KAZN: variants seen among roughly 807,000 people sequenced by gnomAD.
KAZN encodes the protein kazrin.
Under a neutral mutation model 87.4 loss-of-function variants are expected in KAZN, and 40 were observed. The observed-to-expected ratio is 0.46, with a 90% confidence interval of 0.36 to 0.60. KAZN has a LOEUF of 0.60. Among genes scored for constraint, KAZN ranks in the 20% least tolerant of loss-of-function variants. The pLI, the probability that KAZN is intolerant of heterozygous loss-of-function variation, is 0.00. For synonymous variants in KAZN, 466 were observed against 458.3 expected, an observed-to-expected ratio of 1.02 and a Z score of -0.22; for missense variants, 898 against 1,073.9, an observed-to-expected ratio of 0.84 and a Z score of 2.29.
chr1:14,195,613 G>GA (rs1256570314), intron 2 of KAZN, among the ~76,000 whole-genome samples: 2 of 151,628 alleles, frequency 1.3e-5, no homozygotes, highest in African/African-American at 4.8e-5. Context: ...CAATAAACTG[G>GA]AAAACTTACA....
In KAZN at chr1:15,107,796, A is replaced by G. The variant is rs752857154; in HGVS notation, c.2048+3607A>G. ...GCATCACTGCTTTCTTGCTGTGTTG[A>G]ACATGAGCTAGTGGTTTTAGGTTTT... On this transcript the variant is annotated intron_variant, in intron 13 of 14. Coordinates refer to ENST00000376030, the MANE Select transcript of KAZN (RefSeq NM_201628.3). Among the ~76,000 whole-genome samples the G allele has an allele frequency of 2.6e-5, 4 of 152,188 alleles. No individual in the cohort carries two copies. The East Asian group carries it at 7.7e-4, about 29-fold the overall frequency.
chr1:14,834,197 G>A (rs1647145867), intron 1 of KAZN, among the ~76,000 whole-genome samples: 1 of 151,548 alleles, frequency 6.6e-6, no homozygotes, highest in South Asian at 2.1e-4. Flanking sequence ...CACCACGCCT[G>A]GCTAATTTTT....
rs539792901 is a variant in KAZN at position 14,418,642 on chromosome 1, A to AGG, written c.250-180340_250-180339dup. ...TAGACAATCTGATTTTCCTAGTCAGAGGCAAGGCATTTTTCAGGAGATCCA... is the reference window on the plus strand; with the variant it reads ...TAGACAATCTGATTTTCCTAGTCAGAGGGGCAAGGCATTTTTCAGGAGATCCA... On this transcript the variant is annotated intron_variant, in intron 2 of 16. Transcript: ENST00000636203. Among the ~76,000 whole-genome samples the AGG allele has an allele frequency of 4.8e-3, 734 of 152,308 alleles. 7 individuals are homozygous for AGG. Among genetic ancestry groups the AGG allele is most frequent in the African/African-American group, 0.017 (688 of 41,566 alleles).
intron 2 of KAZN, among the ~76,000 whole-genome samples, chr1:15,023,909 G>C (rs553323345): frequency 1.2e-4 from 18 of 150,658 alleles, no homozygotes; most frequent in African/African-American, 4.4e-4. Flanking sequence ...GAAAAGTTTG[G>C]GGGGGTGGTC....
At chr1:14,038,208 A>C (rs72859449) in intron 1 of KAZN, among the ~76,000 whole-genome samples, 8,461 of 152,252 alleles carry the variant, frequency 0.056, 763 homozygotes, top group African/African-American at 0.19. Context: ...TTTAGAAGGT[A>C]CTAAAGGATA....
chr1:14,787,376 C>G (rs1232364658), intron 1 of KAZN, among the ~76,000 whole-genome samples: 1 of 152,176 alleles, frequency 6.6e-6, no homozygotes, highest in African/African-American at 2.4e-5. Context: ...AAGATCTGAT[C>G]AGTGACCAAG....
chr1:14,093,569 A>G (rs912419928), intron 1 of KAZN, among the ~76,000 whole-genome samples: 8 of 152,192 alleles, frequency 5.3e-5, no homozygotes, highest in Admixed American at 1.3e-4. Context: ...CTTTAGATTC[A>G]CTGTCCAAGA....
chr1:13,942,452 A>C (rs1479064920), intron 1 of KAZN, among the ~76,000 whole-genome samples: 3 of 146,078 alleles, frequency 2.1e-5, no homozygotes, highest in Non-Finnish European at 4.5e-5. Flanking sequence ...AGGCAGGAGA[A>C]TGGCGTGAAC....
At chr1:14,897,411 T>C (rs559559186) in intron 1 of KAZN, among the ~76,000 whole-genome samples, 23 of 152,332 alleles carry the variant, frequency 1.5e-4, no homozygotes, top group Admixed American at 1.4e-3. Flanking sequence ...GTTCTCAGAC[T>C]TTTGTTCCCA....
intron 1 of KAZN, among the ~76,000 whole-genome samples, chr1:13,957,890 A>G (rs1641604148): frequency 6.6e-6 from 1 of 152,194 alleles, no homozygotes; most frequent in South Asian, 2.1e-4. Flanking sequence ...TCCAAACCAC[A>G]GCACTTTGTT....
intron 1 of KAZN, among the ~76,000 whole-genome samples, chr1:14,014,993 G>C (rs768688515): frequency 2.0e-5 from 3 of 152,022 alleles, no homozygotes; most frequent in Non-Finnish European, 4.4e-5. Flanking sequence ...CTTTTTCTTG[G>C]CTTGGGAAAG....
At chr1:15,055,979 C>G in intron 4 of KAZN, 112 bp from the exon 5 acceptor site, 1 of 1,037,258 alleles carries the variant, frequency 9.6e-7, no homozygotes, top group African/African-American at 1.6e-5. Context: ...GCCAGCAATA[C>G]CCGGTGCAGA....
At chr1:14,365,166 C>A (rs546795380) in intron 2 of KAZN, among the ~76,000 whole-genome samples, 47 of 152,084 alleles carry the variant, frequency 3.1e-4, no homozygotes, top group Admixed American at 6.5e-4. Context: ...GCCTCAGCCT[C>A]CCGAGTAGCT....
intron 1 of KAZN, among the ~76,000 whole-genome samples, chr1:14,084,208 A>T (rs949416538): frequency 1.3e-5 from 2 of 152,190 alleles, no homozygotes; most frequent in East Asian, 3.9e-4. Flanking sequence ...AGAAGACCAG[A>T]TATTAGAAAA....
At chr1:15,030,658 C>T (rs111805561) in intron 2 of KAZN, among the ~76,000 whole-genome samples, 8 of 152,310 alleles carry the variant, frequency 5.3e-5, no homozygotes, top group African/African-American at 1.2e-4. Flanking sequence ...CTAGCTGTGC[C>T]GGGGCCTCCC....
intron 1 of KAZN, among the ~76,000 whole-genome samples, chr1:13,945,410 G>T (rs1170386027): frequency 6.6e-6 from 1 of 151,126 alleles, no homozygotes; most frequent in Non-Finnish European, 1.5e-5. Flanking sequence ...GGAGGCGGAG[G>T]TTGCAGTGAG....
Position 14,886,910 on chromosome 1 carries a change from C to A in KAZN, c.227-73774C>A, listed in dbSNP as rs917696298. On this transcript the variant is annotated intron_variant, in intron 1 of 14. Transcript: ENST00000376030. ...GTCGTTAAGAGCTCCATAGGACAGGCAGTTTCTTTTGTTTGTTGCTGTGTT... is the reference window on the plus strand; with the variant it reads ...GTCGTTAAGAGCTCCATAGGACAGGAAGTTTCTTTTGTTTGTTGCTGTGTT... 2.0e-5 allele frequency among the ~76,000 whole-genome samples: 3 copies of A among 152,202 alleles called. 1 individual carries two copies. The highest frequency in any genetic ancestry group is 3.9e-4 in the East Asian group (2 of 5,186).
rs562195312 is a variant in KAZN at position 15,075,695 on chromosome 1, CA to C, written c.1222+9943del. ...AGGTGTAGTCACAGCCCCTCTATCT[CA>C]GCATCCACTTTGCTAAGAAAGGACC... On this transcript the variant is annotated intron_variant, in intron 8 of 14. Transcript: ENST00000376030. 6.6e-5 allele frequency among the ~76,000 whole-genome samples: 10 copies of C among 152,338 alleles called. No individual in the cohort carries two copies. The South Asian group carries it at 2.1e-3, about 32-fold the overall frequency.
rs186133141 is a variant in KAZN at position 14,822,169 on chromosome 1, G to A, written c.227-138515G>A. 4.1e-4 allele frequency among the ~76,000 whole-genome samples: 62 copies of A among 152,198 alleles called. 1 individual carries two copies. In the South Asian group the frequency reaches 6.4e-3, roughly 16 times the overall value. On this transcript the variant is annotated intron_variant, in intron 1 of 14. Transcript: ENST00000376030. ...CCAAGCCCAGGAAAACAAAGCTTTC[G>A]TCCCAGCCAGGTAACTTGAGGGGGC...
Sources: allele counts gnomAD v4.1 joint callset (sites outside exome capture counted in the v4.1 genomes callset), GRCh38; gene constraint gnomAD v4.1.1; transcripts MANE v1.5; gene names NCBI Gene and HGNC (gene_info 2026-07-23, HGNC 2026-07-21).